Variants in PTPRG observed in about 807,000 individuals in gnomAD.
PTPRG encodes protein tyrosine phosphatase receptor type G.
Under a neutral mutation model 165.3 loss-of-function variants are expected in PTPRG, and 102 were observed. The observed-to-expected ratio is 0.62, with a 90% CI of 0.53 to 0.73. The LOEUF is 0.73. Ranked by LOEUF, PTPRG falls within the 30% of genes least tolerant of loss-of-function variation. The pLI, the probability that PTPRG is intolerant of heterozygous loss-of-function variation, is 0.00. For missense variants in PTPRG, 1,866 were observed against 1,861.4 expected, an observed-to-expected ratio of 1.00 and a Z score of -0.05; for synonymous variants, 675 against 669.5, an observed-to-expected ratio of 1.01 and a Z score of -0.13.
chr3:61,679,865 TG>T (rs921128191), intron 1 of PTPRG, among the ~76,000 whole-genome samples: 1 of 152,158 alleles, frequency 6.6e-6, no homozygotes, highest in Non-Finnish European at 1.5e-5. Context: ...AGGGTTTAAA[TG>T]GAATGCAGTG....
rs1036858220 is a variant in PTPRG, at chr3:62,224,431, A to C, written c.2288+5448A>C. 1.3e-5 allele frequency among the ~76,000 whole-genome samples: 2 copies of C among 152,196 alleles called. No homozygotes were observed. Among genetic ancestry groups the C allele is most frequent in the African/African-American group, 4.8e-5 (2 of 41,438 alleles). On this transcript the variant is annotated intron_variant, in intron 13 of 29. Transcript: ENST00000474889. The surrounding 1 kb of genome is among the most constrained non-coding windows in gnomAD (Gnocchi z 4.9). ...GGATAGAGAAGTTGAGGAGGCACCA[A>C]GCTCTCAACTGCTTGGCCTAGAAGT...
intron 8 of PTPRG, among the ~76,000 whole-genome samples, chr3:62,170,514 C>G (rs1369360868): frequency 6.6e-6 from 1 of 152,084 alleles, no homozygotes; most frequent in Non-Finnish European, 1.5e-5. Flanking sequence ...CCTTTATTAT[C>G]CAAGAAAGCT....
At chr3:62,115,208 C>G (rs1702817022) in intron 5 of PTPRG, among the ~76,000 whole-genome samples, 1 of 152,156 alleles carries the variant, frequency 6.6e-6, no homozygotes, top group Non-Finnish European at 1.5e-5. Flanking sequence ...TAATCTCCCT[C>G]AGGTTTCATG....
chr3:62,045,390 G>T lies in PTPRG; in HGVS notation c.520-32773G>T, dbSNP rs572757721. 2.4e-3 allele frequency among the ~76,000 whole-genome samples: 372 copies of T among 152,292 alleles called. 2 individuals carry two copies. Among genetic ancestry groups the T allele is most frequent in the African/African-American group, 8.7e-3 (362 of 41,556 alleles). ...ACTTGGAGGCTACAAAGCTGGTGTC[G>T]AGTTAGCTGTACCGCCCTTAGCCAA... On this transcript the variant is annotated intron_variant, in intron 4 of 29. Coordinates refer to ENST00000474889, the MANE Select transcript of PTPRG (RefSeq NM_002841.4).
At chr3:61,699,695 A>G (rs1460909761) in intron 1 of PTPRG, among the ~76,000 whole-genome samples, 1 of 152,184 alleles carries the variant, frequency 6.6e-6, no homozygotes, top group African/African-American at 2.4e-5. Flanking sequence ...CCTTGGCTTG[A>G]ATTGTCTGCT....
intron 2 of PTPRG, among the ~76,000 whole-genome samples, chr3:61,950,803 A>T (rs1300163588): frequency 1.3e-5 from 2 of 152,240 alleles, no homozygotes; most frequent in African/African-American, 4.8e-5. Flanking sequence ...TGTTTAAATT[A>T]TTAATGTAAA....
chr3:61,793,435 T>C (rs916895168), intron 2 of PTPRG, among the ~76,000 whole-genome samples: 2 of 152,214 alleles, frequency 1.3e-5, no homozygotes, highest in African/African-American at 2.4e-5. Context: ...TGCTGCATTT[T>C]TGGCTTTGTG....
intron 2 of PTPRG, among the ~76,000 whole-genome samples, chr3:61,935,850 A>G (rs958476948): frequency 2.0e-5 from 3 of 150,528 alleles, no homozygotes; most frequent in Admixed American, 2.0e-4. Flanking sequence ...AGCACTTCAT[A>G]TAGAATATTT....
chr3:61,811,279 G>T (rs1405108151), intron 2 of PTPRG, among the ~76,000 whole-genome samples: 3 of 152,194 alleles, frequency 2.0e-5, no homozygotes, highest in Non-Finnish European at 4.4e-5. Flanking sequence ...GCATGTCCTA[G>T]ATTCACAGGT....
chr3:61,593,930 T>G (rs1485306315), intron 1 of PTPRG, among the ~76,000 whole-genome samples: 1 of 152,186 alleles, frequency 6.6e-6, no homozygotes, highest in Non-Finnish European at 1.5e-5. Flanking sequence ...TCTTTTTTCC[T>G]TAATCACTTA....
intron 2 of PTPRG, among the ~76,000 whole-genome samples, chr3:61,771,569 T>C (rs926259518): frequency 2.0e-5 from 3 of 152,220 alleles, no homozygotes; most frequent in Non-Finnish European, 4.4e-5. Context: ...AACTTGTGTT[T>C]TGCAGTTAAA....
In PTPRG at chr3:62,007,882, G is replaced by A. The variant is rs187218463; in HGVS notation, c.519+4385G>A. 3.8e-3 allele frequency among the ~76,000 whole-genome samples: 576 copies of A among 152,308 alleles called. 1 individual carries two copies. Among genetic ancestry groups the A allele is most frequent in the Non-Finnish European group, 5.3e-3 (361 of 68,028 alleles). On this transcript the variant is annotated intron_variant, in intron 4 of 29. Transcript: ENST00000474889. ...GAATAGAGAGGCCAGTAGAGATTTTGGTAGGCAAGATAATGTCTCTTCTTC... is the reference window on the plus strand; with the variant it reads ...GAATAGAGAGGCCAGTAGAGATTTTAGTAGGCAAGATAATGTCTCTTCTTC...
intron 2 of PTPRG, among the ~76,000 whole-genome samples, chr3:61,830,604 C>T (rs867712271): frequency 3.1e-5 from 3 of 95,374 alleles, no homozygotes; most frequent in Non-Finnish European, 5.8e-5. Flanking sequence ...GATGGAGTTT[C>T]GCTCTTGTTG....
At chr3:62,276,002 T>C in intron 24 of PTPRG, 36 bp downstream of exon 24, 2 of 1,476,122 alleles carry the variant, frequency 1.4e-6, no homozygotes, top group South Asian at 2.3e-5. Flanking sequence ...TGATCTTTTA[T>C]ACTGGATTGT....
chr3:61,863,579 C>T (rs1013391714), intron 2 of PTPRG, among the ~76,000 whole-genome samples: 5 of 152,184 alleles, frequency 3.3e-5, no homozygotes, highest in Non-Finnish European at 5.9e-5. Context: ...GCCTTCATTT[C>T]CCCTTGCCTT....
At chr3:61,958,154 T>G (rs2040074946) in intron 2 of PTPRG, among the ~76,000 whole-genome samples, 1 of 152,110 alleles carries the variant, frequency 6.6e-6, no homozygotes, top group Non-Finnish European at 1.5e-5. Flanking sequence ...TGAGACAGAC[T>G]CTTACTCTGT....
intron 4 of PTPRG, among the ~76,000 whole-genome samples, chr3:62,006,996 CTT>C (rs2041313300): frequency 6.6e-6 from 1 of 152,200 alleles, no homozygotes; most frequent in South Asian, 2.1e-4. Flanking sequence ...ATTCCATCCT[CTT>C]TGGTTTTTAG....
At chr3:61,670,335 A>T (rs1292019019) in intron 1 of PTPRG, among the ~76,000 whole-genome samples, 1 of 152,192 alleles carries the variant, frequency 6.6e-6, no homozygotes, top group East Asian at 1.9e-4. Context: ...TCATCTAAGA[A>T]TGTCTGCCAG....
At chr3:61,996,009 G>C (rs1203128) in intron 3 of PTPRG, among the ~76,000 whole-genome samples, 66,946 of 151,836 alleles carry the variant, frequency 0.44, 15,113 homozygotes, top group Middle Eastern at 0.51. Flanking sequence ...CTCTCTGCCT[G>C]ATTCTGCCTG....
Sources: allele counts gnomAD v4.1 joint callset (sites outside exome capture counted in the v4.1 genomes callset), GRCh38; gene constraint gnomAD v4.1.1; non-coding constraint Gnocchi (gnomAD v3.1); transcripts MANE v1.5; gene names NCBI Gene and HGNC (gene_info 2026-07-23, HGNC 2026-07-21).